PKP2: variants seen among roughly 807,000 people sequenced by gnomAD.
The protein encoded by PKP2 is plakophilin-2.
Under a neutral mutation model 83.4 loss-of-function variants are expected in PKP2, and 73 were observed. That is an observed-to-expected ratio of 0.88 (90% CI 0.72 to 1.06). The LOEUF (loss-of-function observed/expected upper bound fraction) is 1.06, where lower values mean the gene tolerates loss of function less well. PKP2 is among the 50% of genes least tolerant of loss of function. The probability of loss-of-function intolerance (pLI) is 0.00; values close to 1 mark genes in which losing one functional copy is unlikely to be tolerated. For missense variants in PKP2, 966 were observed against 1,065.4 expected, an observed-to-expected ratio of 0.91 and a Z score of 1.30; for synonymous variants, 409 against 430.4, an observed-to-expected ratio of 0.95 and a Z score of 0.62.
Position 32,846,745 on chromosome 12 carries a change from C to CAAAAAAAAAAAAAAAAA in PKP2, c.1378+4004_1378+4020dup, listed in dbSNP as rs574053559. On this transcript the variant is annotated intron_variant, in intron 5 of 12. Transcript: ENST00000340811. Reference sequence around the variant, plus strand: ...GGGTAACAAGAATGAAACTTCTTCTCAAAAAAAAAAAAAAAAAAGAAGAGA... The same window carrying CAAAAAAAAAAAAAAAAA: ...GGGTAACAAGAATGAAACTTCTTCTCAAAAAAAAAAAAAAAAAAAAAAAAAAAAAAAAAAAGAAGAGA... 1.7e-3 allele frequency among the ~76,000 whole-genome samples: 125 copies of CAAAAAAAAAAAAAAAAA among 74,768 alleles called. 4 individuals carry two copies. The highest frequency in any genetic ancestry group is 2.8e-3 in the African/African-American group (50 of 17,682). The allele number at this position is 74,768 out of a possible 152,430, so 49.1% of individuals were successfully genotyped here.
At chr12:32,885,849 CAG>C (rs1056998850) in intron 1 of PKP2, among the ~76,000 whole-genome samples, 4 of 152,146 alleles carry the variant, frequency 2.6e-5, no homozygotes, top group African/African-American at 9.7e-5. Context: ...AAGCAAATGA[CAG>C]AGAACTGCTA....
In PKP2 at chr12:32,792,649, T is replaced by C; in HGVS notation, c.2440A>G (p.Lys814Glu). 1.2e-6 allele frequency: 2 copies of C among 1,613,440 alleles called. No individual in the cohort carries two copies. Among genetic ancestry groups the C allele is most frequent in the Non-Finnish European group, 1.7e-6 (2 of 1,179,318 alleles). ...WAHTELHHAY[K>E]KAQFKKTDFV... The stretch of plus-strand genomic sequence containing the variant: ...TTCCTTGTTCATGTTCTTACCTTCT[T>C]GTAGGCATGATGCAGTTCCGTGTGT... The change falls in exon 12 of 13, where the codon AAG becomes GAG. Residue 814 changes from lysine to glutamate, a missense_variant. Lys to Glu is a moderately conservative substitution (Grantham distance 56). Coordinates refer to ENST00000340811, the MANE Select transcript of PKP2 (RefSeq NM_001005242.3).
chr12:32,804,675 T>C (rs1230073105), intron 9 of PKP2, among the ~76,000 whole-genome samples: 1 of 152,202 alleles, frequency 6.6e-6, no homozygotes, highest in Non-Finnish European at 1.5e-5. Flanking sequence ...TGTGTATGTA[T>C]GACATTTTCT....
At chr12:32,860,732 T>TA (rs1956790600) in intron 4 of PKP2, among the ~76,000 whole-genome samples, 1 of 152,120 alleles carries the variant, frequency 6.6e-6, no homozygotes, top group Non-Finnish European at 1.5e-5. Context: ...AAATTTTTTT[T>TA]AAAAAGTAGA....
intron 10 of PKP2, 92 bp from the exon 11 acceptor site, chr12:32,796,390 T>A (rs1956125025): frequency 3.4e-6 from 4 of 1,189,742 alleles, no homozygotes; most frequent in Non-Finnish European, 2.4e-6. Flanking sequence ...GAACATTCTT[T>A]TTCTTTTTTT....
At chr12:32,891,300 C>A (rs147320796) in intron 1 of PKP2, among the ~76,000 whole-genome samples, 62 of 152,240 alleles carry the variant, frequency 4.1e-4, no homozygotes, top group African/African-American at 1.3e-3. Context: ...CCATATTAAT[C>A]ATCTGATTTA....
chr12:32,807,035 T>C (rs111691968), intron 9 of PKP2, among the ~76,000 whole-genome samples: 2,319 of 152,290 alleles, frequency 0.015, 51 homozygotes, highest in African/African-American at 0.052. Context: ...TTCTTAATCT[T>C]GAGTTCTAAT....
At chr12:32,876,469 T>C (rs1344328428) in intron 3 of PKP2, among the ~76,000 whole-genome samples, 1 of 152,198 alleles carries the variant, frequency 6.6e-6, no homozygotes, top group East Asian at 1.9e-4. Flanking sequence ...CCATAAATTT[T>C]GAATTACCTG....
chr12:32,888,295 T>C (rs141507282), intron 1 of PKP2, among the ~76,000 whole-genome samples: 251 of 152,314 alleles, frequency 1.6e-3, no homozygotes, highest in African/African-American at 5.9e-3. Flanking sequence ...ATAACTTCCA[T>C]GGCAAATATC....
At chr12:32,832,662 T>TGA in intron 6 of PKP2, among the ~76,000 whole-genome samples, 1 of 152,336 alleles carries the variant, frequency 6.6e-6, no homozygotes, top group East Asian at 1.9e-4. Context: ...TCTAGATACT[T>TGA]TCATCAAGTT....
At chr12:32,820,871 G>C (rs1956369026) in intron 9 of PKP2, 1 of 182,998 alleles carries the variant, frequency 5.5e-6, no homozygotes, top group Non-Finnish European at 1.2e-5. Context: ...TTGGGAAAAT[G>C]GTAGTTTGTT....
intron 5 of PKP2, among the ~76,000 whole-genome samples, chr12:32,846,033 T>C (rs17543624): frequency 0.15 from 22,634 of 152,212 alleles, 1,845 homozygotes; most frequent in Middle Eastern, 0.22. Context: ...TTTTATTAAA[T>C]ACAGCAATCC....
chr12:32,881,030 A>C (rs1956981760), intron 1 of PKP2, among the ~76,000 whole-genome samples: 1 of 152,210 alleles, frequency 6.6e-6, no homozygotes, highest in Admixed American at 6.5e-5. Flanking sequence ...ACACATCAAC[A>C]TAACTTTTCC....
chr12:32,822,389 AGAC>A lies in PKP2; in HGVS notation c.1839+75_1839+77del, dbSNP rs1956388445. ...TAGTGCCGATATATACCAAGTACTT[AGAC>A]ATACACATATACACAAACACACACT... On this transcript the variant is annotated intron_variant, in intron 8 of 12. Transcript: ENST00000340811. 18 of 1,205,816 alleles carry A rather than the reference AGAC, an allele frequency of 1.5e-5. No individual in the cohort carries two copies. The East Asian group carries it at 3.9e-4, about 26-fold the overall frequency. 74.7% of individuals were successfully genotyped at this position (1,205,816 alleles called of 1,614,324 possible). A position where few individuals can be genotyped will look rare whatever the true frequency, so the allele number is the denominator to read the frequency against.
At chr12:32,867,652 G>A (rs2137915106) in intron 4 of PKP2, among the ~76,000 whole-genome samples, 1 of 152,304 alleles carries the variant, frequency 6.6e-6, no homozygotes, top group East Asian at 1.9e-4. Flanking sequence ...AGTATTATAA[G>A]TAGTAAGTTA....
intron 4 of PKP2, among the ~76,000 whole-genome samples, chr12:32,858,124 TA>T (rs1237006675): frequency 2.0e-5 from 2 of 98,556 alleles, no homozygotes; most frequent in Admixed American, 1.2e-4. Context: ...TATTTATATA[TA>T]TTTTATATTT....
Position 32,796,158 on chromosome 12 carries a change from G to A in PKP2, c.2308C>T (p.Leu770=), listed in dbSNP as rs371917866. The change falls in exon 11 of 13, where the codon CTA becomes TTA. Residue 770 remains leucine, a synonymous_variant. Coordinates refer to ENST00000340811, the MANE Select transcript of PKP2 (RefSeq NM_001005242.3). ...ATTTTCTGGATGCCCCCGGTGTTTA[G>A]AAGGTCGCGTGCATTCTGGTAACTG... ...QNSYQNARDL[L]NTGGIQKIMA... 2 of 1,614,180 alleles carry A rather than the reference G, an allele frequency of 1.2e-6. No homozygotes were observed. The highest frequency in any genetic ancestry group is 1.7e-6 in the Non-Finnish European group (2 of 1,180,040).
At chr12:32,816,754 T>G (rs1565579126) in intron 9 of PKP2, among the ~76,000 whole-genome samples, 1 of 152,134 alleles carries the variant, frequency 6.6e-6, no homozygotes, top group Non-Finnish European at 1.5e-5. Flanking sequence ...GCATCTGTTG[T>G]TTTTTGACTT....
At chr12:32,793,466 G>A (rs1271296250) in intron 11 of PKP2, among the ~76,000 whole-genome samples, 1 of 151,932 alleles carries the variant, frequency 6.6e-6, no homozygotes, top group Non-Finnish European at 1.5e-5. Flanking sequence ...AATTTTTCAA[G>A]TCAATAAAAG....
Sources: allele counts gnomAD v4.1 joint callset (sites outside exome capture counted in the v4.1 genomes callset), GRCh38; gene constraint gnomAD v4.1.1; transcripts MANE v1.5; gene names NCBI Gene and HGNC (gene_info 2026-07-23, HGNC 2026-07-21).